IFT56: variants seen among roughly 807,000 people sequenced by gnomAD.
IFT56 encodes the protein intraflagellar transport 56, also known as intraflagellar transport protein 56.
At chr7:139,164,859 G>A in the IFT56 span, among the ~76,000 whole-genome samples, 2 of 152,034 alleles carry the variant, frequency 1.3e-5, no homozygotes, top group African/African-American at 2.4e-5. Flanking sequence ...GTTTTACATA[G>A]GGTTAAAAAT....
chr7:139,155,544 A>G, the IFT56 span, among the ~76,000 whole-genome samples: 1 of 152,070 alleles, frequency 6.6e-6, no homozygotes, highest in Non-Finnish European at 1.5e-5. Flanking sequence ...GGAGATGATC[A>G]TTTAGTTTTT....
At chr7:139,157,139 C>CTTTTTTTTTTTTTTT in the IFT56 span, among the ~76,000 whole-genome samples, 2 of 82,088 alleles carry the variant, frequency 2.4e-5, no homozygotes, top group Admixed American at 1.5e-4. Context: ...TCTTTAATTT[C>CTTTTTTTTTTTTTTT]TTTTTTTTTT....
At chr7:139,172,727 T>C in the IFT56 span, 4 of 627,788 alleles carry the variant, frequency 6.4e-6, no homozygotes, top group Non-Finnish European at 1.2e-5. Context: ...TTATACCCCA[T>C]AAATGTAAGA....
chr7:139,159,576 C>G, the IFT56 span, among the ~76,000 whole-genome samples: 1 of 152,244 alleles, frequency 6.6e-6, no homozygotes, highest in Middle Eastern at 3.4e-3. Flanking sequence ...ATTGGGCTTT[C>G]TTTTTTGTCC....
chr7:139,185,009 G>A, the IFT56 span, among the ~76,000 whole-genome samples: 4 of 150,018 alleles, frequency 2.7e-5, no homozygotes, highest in East Asian at 7.8e-4. Context: ...AGCCGAGATC[G>A]CGCCACTGCA....
chr7:139,186,823 G>C, the IFT56 span, among the ~76,000 whole-genome samples: 3 of 152,028 alleles, frequency 2.0e-5, no homozygotes, highest in Non-Finnish European at 4.4e-5. Context: ...GGCCGGGCGC[G>C]GTGGCTCACG....
the IFT56 span, among the ~76,000 whole-genome samples, chr7:139,158,412 C>T: frequency 2.6e-5 from 4 of 151,560 alleles, no homozygotes; most frequent in African/African-American, 9.7e-5. Context: ...TAAGAAATGG[C>T]ATTTCATCAT....
At chr7:139,161,040 G>T in the IFT56 span, 14 of 1,608,548 alleles carry the variant, frequency 8.7e-6, no homozygotes, top group Non-Finnish European at 1.1e-5. Context: ...ACGATTTCCC[G>T]TCTTGACTGA....
At chr7:139,154,941 G>A in the IFT56 span, among the ~76,000 whole-genome samples, 2 of 152,162 alleles carry the variant, frequency 1.3e-5, no homozygotes, top group South Asian at 4.1e-4. Context: ...ATAACATTAA[G>A]TCTTTAAATC....
the IFT56 span, chr7:139,189,831 G>A: frequency 6.5e-6 from 1 of 154,346 alleles, no homozygotes. Flanking sequence ...TTAACTTTAA[G>A]GCGTCTCTGT....
the IFT56 span, among the ~76,000 whole-genome samples, chr7:139,143,646 A>C: frequency 1.3e-5 from 2 of 151,874 alleles, no homozygotes; most frequent in African/African-American, 4.8e-5. Flanking sequence ...TTAAAAAAAA[A>C]CCTCTAGTAT....
the IFT56 span, among the ~76,000 whole-genome samples, chr7:139,144,856 A>G: frequency 6.6e-6 from 1 of 151,886 alleles, no homozygotes; most frequent in African/African-American, 2.4e-5. Flanking sequence ...AAATATATTG[A>G]TAATAAGTTA....
chr7:139,149,191 G>A, the IFT56 span, among the ~76,000 whole-genome samples: 2,459 of 151,528 alleles, frequency 0.016, 67 homozygotes, highest in African/African-American at 0.056. Flanking sequence ...TGTAGTCCCA[G>A]CTACTTGGGA....
the IFT56 span, chr7:139,133,820 T>C: frequency 2.5e-6 from 4 of 1,614,122 alleles, no homozygotes; most frequent in African/African-American, 2.7e-5. Flanking sequence ...AGGCGCGGCC[T>C]TCGCTGTGTG....
chr7:139,184,114 T>C, the IFT56 span, among the ~76,000 whole-genome samples: 1 of 152,222 alleles, frequency 6.6e-6, no homozygotes, highest in African/African-American at 2.4e-5. Context: ...CACAAGCCCC[T>C]GCCCATGCAC....
the IFT56 span, among the ~76,000 whole-genome samples, chr7:139,140,195 C>A: frequency 2.7e-4 from 41 of 152,226 alleles, no homozygotes; most frequent in East Asian, 7.5e-3. Flanking sequence ...TAGTGCTACA[C>A]CCCACCAGGC....
the IFT56 span, chr7:139,172,381 CCT>C: frequency 2.9e-6 from 1 of 341,576 alleles, no homozygotes; most frequent in Non-Finnish European, 5.6e-6. Flanking sequence ...TCAGGGCCTA[CCT>C]CTGTCAGAGC....
the IFT56 span, among the ~76,000 whole-genome samples, chr7:139,135,298 AC>A: frequency 0.058 from 6,310 of 109,682 alleles, 362 homozygotes; most frequent in African/African-American, 0.29. Flanking sequence ...AAAAAAAAAA[AC>A]AAAACAAAAC....
chr7:139,181,054 T>C, the IFT56 span: 9 of 1,306,980 alleles, frequency 6.9e-6, no homozygotes, highest in South Asian at 6.2e-5. Context: ...ACAGTAAAAA[T>C]GACTCATTTG....
Sources: gnomAD v4.1 joint callset for allele counts (sites outside exome capture counted in the v4.1 genomes callset) on GRCh38, gnomAD v4.1.1 for gene constraint, MANE v1.5 for transcripts, NCBI Gene and HGNC (gene_info 2026-07-23, HGNC 2026-07-21) for gene names.